Variants in PDE10A observed in about 807,000 individuals in gnomAD.
The protein encoded by PDE10A is phosphodiesterase 10A.
A neutral mutation model predicts 97.7 loss-of-function variants in PDE10A; 39 were observed. The ratio of observed to expected loss-of-function variants is 0.40; its 90% CI spans 0.31 to 0.52. The LOEUF is 0.52. Ranked by LOEUF, PDE10A falls within the 20% of genes least tolerant of loss-of-function variation. The pLI is 0.56. For synonymous variants in PDE10A, 371 were observed against 376.8 expected (o/e 0.98, Z 0.18); for missense variants, 731 against 1,047.8 (o/e 0.70, Z 4.17).
chr6:165,847,244 C>A (rs1045408757), intron 1 of PDE10A, among the ~76,000 whole-genome samples: 1 of 152,136 alleles, frequency 6.6e-6, no homozygotes, highest in Non-Finnish European at 1.5e-5. Context: ...GGCAGGGGTA[C>A]CGGGAGCTTG....
At chr6:165,783,828 C>A (rs559864943) in intron 1 of PDE10A, among the ~76,000 whole-genome samples, 6 of 152,302 alleles carry the variant, frequency 3.9e-5, no homozygotes, top group African/African-American at 1.4e-4. Flanking sequence ...TGACTTGCCA[C>A]GTTCCTAGTG....
At chr6:165,800,652 A>G (rs1445908272) in intron 1 of PDE10A, among the ~76,000 whole-genome samples, 1 of 152,216 alleles carries the variant, frequency 6.6e-6, no homozygotes, top group East Asian at 1.9e-4. Context: ...ATCTGGACAC[A>G]TGGTGTCTAG....
Position 165,388,967 on chromosome 6 carries a change from TA to T in PDE10A, c.2455-515del, listed in dbSNP as rs1443435734. On this transcript the variant is annotated intron_variant, in intron 16 of 21. Transcript: ENST00000539869. The surrounding 1 kb of genome is among the most constrained non-coding windows in gnomAD (Gnocchi z 4.0). ...GGAAATTAGAGAAAGTCAGGCTGAGTATGAAATAAACTAGGCAGGCACACCT... is the reference window on the plus strand; with the variant it reads ...GGAAATTAGAGAAAGTCAGGCTGAGTTGAAATAAACTAGGCAGGCACACCT... Among the ~76,000 whole-genome samples, 1 of 151,872 alleles carries T rather than the reference TA, an allele frequency of 6.6e-6. No individual in the cohort carries two copies. Among genetic ancestry groups the T allele is most frequent in the African/African-American group, 2.4e-5 (1 of 41,314 alleles).
intron 21 of PDE10A, among the ~76,000 whole-genome samples, chr6:165,334,540 A>T (rs1020151293): frequency 1.3e-5 from 2 of 152,348 alleles, no homozygotes; most frequent in African/African-American, 4.8e-5. Flanking sequence ...AAACACACAG[A>T]ATTTCTGGAC....
At position 165,396,342 on chromosome 6, in the gene PDE10A, C is replaced by A. The variant is rs759634882; in HGVS notation, c.2194G>T (p.Val732Leu). The A allele has an allele frequency of 6.2e-7, 1 of 1,612,946 alleles. No homozygotes were observed. The highest frequency in any genetic ancestry group is 2.2e-5 in the East Asian group (1 of 44,838). Residue 732 changes from valine (V) to leucine (L), a missense_variant, in exon 14 of 22, where the codon GTG becomes TTG. By Grantham distance (32) the Val-to-Leu change is conservative. This residue lies in a region of PDE10A where 131 missense variants were observed against 187.4 expected (regional missense o/e 0.70). Transcript: ENST00000539869. The part of the protein sequence containing the change: ...WQGLMQFTLP[V>L]RLCKEIELFH... ...AATTCAATTTCTTTGCAGAGACGCACGGGAAGGGTGAATTGCATGAGACCT... is the reference window on the plus strand; with the variant it reads ...AATTCAATTTCTTTGCAGAGACGCAAGGGAAGGGTGAATTGCATGAGACCT...
chr6:165,658,652 G>A (rs1305003445), intron 1 of PDE10A, among the ~76,000 whole-genome samples: 1 of 152,232 alleles, frequency 6.6e-6, no homozygotes, highest in Non-Finnish European at 1.5e-5. Flanking sequence ...AAGACCAAAT[G>A]CCACTCACAC....
At chr6:165,903,973 G>A (rs1782190748) in intron 1 of PDE10A, among the ~76,000 whole-genome samples, 1 of 152,206 alleles carries the variant, frequency 6.6e-6, no homozygotes. Flanking sequence ...CACTGGAGTG[G>A]AGAGATGGAA....
At chr6:165,758,499 G>GAAGAAAC in intron 1 of PDE10A, among the ~76,000 whole-genome samples, 1 of 77,018 alleles carries the variant, frequency 1.3e-5, no homozygotes, top group Non-Finnish European at 4.3e-5. Flanking sequence ...AAAGAAGAAA[G>GAAGAAAC]AAGAAAGAAG....
chr6:165,870,558 G>A (rs574072929), intron 1 of PDE10A, among the ~76,000 whole-genome samples: 1 of 152,078 alleles, frequency 6.6e-6, no homozygotes, highest in East Asian at 1.9e-4. Flanking sequence ...TTCCACAAAA[G>A]ACTAAAAATA....
At chr6:165,495,486 T>C (rs957322892) in intron 2 of PDE10A, among the ~76,000 whole-genome samples, 1 of 152,180 alleles carries the variant, frequency 6.6e-6, no homozygotes, top group Admixed American at 6.5e-5. Flanking sequence ...TTTTTTAATA[T>C]GCAAGATAGC....
rs148027803 is a variant in PDE10A at position 165,918,362 on chromosome 6, T to A, written c.-615+69167A>T. Among the ~76,000 whole-genome samples the A allele has an allele frequency of 1.4e-4, 22 of 152,352 alleles. No homozygotes were observed. The East Asian group carries it at 4.2e-3, about 29-fold the overall frequency. ...ACACGTTTTCAGACTTTAAAGAAAG[T>A]TAACATTATAGTTGCCTTATTTTCA... On this transcript the variant is annotated intron_variant, in intron 1 of 19. Transcript: ENST00000366882.
At chr6:165,813,963 G>A (rs955824578) in intron 1 of PDE10A, among the ~76,000 whole-genome samples, 1 of 152,208 alleles carries the variant, frequency 6.6e-6, no homozygotes, top group African/African-American at 2.4e-5. Context: ...GAAACAAGGA[G>A]TTAACCAAAC....
At chr6:165,856,709 C>T (rs1406870921) in intron 1 of PDE10A, among the ~76,000 whole-genome samples, 1 of 152,206 alleles carries the variant, frequency 6.6e-6, no homozygotes, top group African/African-American at 2.4e-5. Context: ...ATTGAGTCAA[C>T]TGAATTTCCT....
intron 1 of PDE10A, among the ~76,000 whole-genome samples, chr6:165,563,892 A>AC (rs1459954471): frequency 6.6e-6 from 1 of 152,030 alleles, no homozygotes; most frequent in Non-Finnish European, 1.5e-5. Context: ...CTGTCTCAAA[A>AC]AAAAAAAAAA....
At chr6:165,446,275 G>A (rs527706741) in intron 5 of PDE10A, among the ~76,000 whole-genome samples, 1 of 152,200 alleles carries the variant, frequency 6.6e-6, no homozygotes, top group East Asian at 1.9e-4. Flanking sequence ...CTCTCGCTAA[G>A]GGAAATTCTA....
At chr6:165,584,254 G>A (rs1055520843) in intron 1 of PDE10A, among the ~76,000 whole-genome samples, 2 of 152,162 alleles carry the variant, frequency 1.3e-5, no homozygotes, top group Non-Finnish European at 2.9e-5. Flanking sequence ...TTGCAGTTGA[G>A]GACTCAGGCT....
intron 1 of PDE10A, among the ~76,000 whole-genome samples, chr6:165,907,773 T>C (rs1365514156): frequency 1.3e-5 from 2 of 148,248 alleles, no homozygotes; most frequent in African/African-American, 5.2e-5. Flanking sequence ...GCAGCATGGA[T>C]GAGGGCTGAG....
At position 165,687,077 on chromosome 6, in the gene PDE10A, A is replaced by G. The variant is rs549499045; in HGVS notation, c.-614-143509T>C. 5.3e-5 allele frequency among the ~76,000 whole-genome samples: 8 copies of G among 152,366 alleles called. No homozygotes were observed. In the South Asian group the frequency reaches 1.7e-3, roughly 32 times the overall value. ...GGTAAAGTGTGGTAAGTTTCAGCAC[A>G]TGGAAAACAACTGAGAGCATGGCTG... On this transcript the variant is annotated intron_variant, in intron 1 of 19. Transcript: ENST00000366882.
At chr6:165,338,019 A>C (rs1406481605) in intron 20 of PDE10A, among the ~76,000 whole-genome samples, 1 of 152,272 alleles carries the variant, frequency 6.6e-6, no homozygotes, top group African/African-American at 2.4e-5. Flanking sequence ...AGGAATGACT[A>C]ACAGCTGTGA....
Sources: gnomAD v4.1 joint callset for allele counts (sites outside exome capture counted in the v4.1 genomes callset) on GRCh38, gnomAD v4.1.1 for gene constraint, gnomAD v4.1.1 regional missense constraint, Gnocchi (gnomAD v3.1) non-coding constraint, MANE v1.5 for transcripts, NCBI Gene and HGNC (gene_info 2026-07-23, HGNC 2026-07-21) for gene names.